Variants in STT3B observed in about 807,000 individuals in gnomAD.
STT3B encodes STT3 oligosaccharyltransferase complex catalytic subunit B, also known as dolichyl-diphosphooligosaccharide--protein glycosyltransferase subunit STT3B.
Under a neutral mutation model 96.8 loss-of-function variants are expected in STT3B, and 29 were observed. The observed-to-expected ratio is 0.30, with a 90% CI of 0.22 to 0.41. STT3B has a LOEUF of 0.41. STT3B is among the 10% of genes least tolerant of loss of function. STT3B has a pLI of 1.00. For missense variants in STT3B, 640 were observed against 1,022.3 expected (o/e 0.63, Z 5.10); for synonymous variants, 367 against 360.0 (o/e 1.02, Z -0.22).
chr3:31,595,433 G>T lies in STT3B; in HGVS notation c.712-1365G>T, dbSNP rs145773707. Among the ~76,000 whole-genome samples the T allele has an allele frequency of 4.4e-3, 666 of 152,114 alleles. 3 individuals are homozygous for T. Among genetic ancestry groups the T allele is most frequent in the African/African-American group, 0.014 (581 of 41,484 alleles). On this transcript the variant is annotated intron_variant, in intron 3 of 15. Coordinates refer to ENST00000295770, the MANE Select transcript of STT3B (RefSeq NM_178862.3). ...GTGTTGTTTTCCCCTTTTCGTTATT[G>T]ATCCCTCTCTCCTTGTTTATAATTC...
chr3:31,558,667 G>A (rs1044957373), intron 1 of STT3B, among the ~76,000 whole-genome samples: 7 of 152,082 alleles, frequency 4.6e-5, no homozygotes, highest in African/African-American at 1.7e-4. Context: ...TGGTATCTGG[G>A]TAATGCCTCA....
rs1335660280 is a variant in STT3B at position 31,599,680 on chromosome 3, G to T, written c.778-680G>T. Among the ~76,000 whole-genome samples, 3 of 152,124 alleles carry T rather than the reference G, an allele frequency of 2.0e-5. No individual in the cohort carries two copies. The East Asian group carries it at 5.8e-4, about 29-fold the overall frequency. ...AGGAGCTTATTACCTATTATTTAGT[G>T]TACCAAAAAATTAATTAATTCTATT... On this transcript the variant is annotated intron_variant, in intron 4 of 15. Transcript: ENST00000295770.
At chr3:31,588,455 C>T (rs1233555769) in intron 3 of STT3B, among the ~76,000 whole-genome samples, 1 of 151,956 alleles carries the variant, frequency 6.6e-6, no homozygotes, top group African/African-American at 2.4e-5. Context: ...TTAAAAAAAT[C>T]CTTTTACAAA....
intron 1 of STT3B, among the ~76,000 whole-genome samples, chr3:31,561,448 T>A (rs76231620): frequency 0.014 from 2,064 of 152,232 alleles, 59 homozygotes; most frequent in African/African-American, 0.046. Flanking sequence ...TTCTTTTTTT[T>A]AAAATATACA....
intron 3 of STT3B, among the ~76,000 whole-genome samples, chr3:31,594,457 G>GTC (rs1441334030): frequency 1.3e-5 from 2 of 150,868 alleles, no homozygotes; most frequent in Non-Finnish European, 3.0e-5. Flanking sequence ...TTTGGATGGA[G>GTC]TCTCGCTCTG....
intron 4 of STT3B, 139 bp downstream of exon 4, chr3:31,597,002 C>T (rs985813717): frequency 1.5e-6 from 1 of 648,310 alleles, no homozygotes; most frequent in Non-Finnish European, 2.6e-6. Flanking sequence ...CCTTCTCCTA[C>T]TCACAGGTCC....
At chr3:31,534,817 T>TAA (rs1340249624) in intron 1 of STT3B, among the ~76,000 whole-genome samples, 1 of 152,226 alleles carries the variant, frequency 6.6e-6, no homozygotes, top group South Asian at 2.1e-4. Flanking sequence ...CTAGTTTTTT[T>TAA]AAAAAATAAC....
At chr3:31,578,774 T>C (rs1698314056) in intron 2 of STT3B, among the ~76,000 whole-genome samples, 1 of 152,122 alleles carries the variant, frequency 6.6e-6, no homozygotes, top group Admixed American at 6.6e-5. Context: ...AATTTCCTGC[T>C]ATTCTGGAGC....
intron 5 of STT3B, among the ~76,000 whole-genome samples, chr3:31,613,937 T>C (rs1278315571): frequency 1.3e-5 from 2 of 152,028 alleles, no homozygotes; most frequent in Non-Finnish European, 2.9e-5. Flanking sequence ...GTGGAAACTT[T>C]ACTTACTTTG....
At chr3:31,551,813 A>T (rs1008702314) in intron 1 of STT3B, among the ~76,000 whole-genome samples, 9 of 152,220 alleles carry the variant, frequency 5.9e-5, no homozygotes, top group Non-Finnish European at 1.3e-4. Context: ...TTGTCTTACC[A>T]GTAGACTTGC....
intron 1 of STT3B, among the ~76,000 whole-genome samples, chr3:31,563,186 A>G (rs1183394224): frequency 6.6e-6 from 1 of 152,030 alleles, no homozygotes. Flanking sequence ...TTTACTCGCT[A>G]TTGTGGTTCC....
intron 1 of STT3B, among the ~76,000 whole-genome samples, chr3:31,551,718 T>A (rs550735561): frequency 3.5e-4 from 53 of 152,306 alleles, no homozygotes; most frequent in South Asian, 2.5e-3. Flanking sequence ...GCCTGTTAAT[T>A]GATAGTCTTT....
At chr3:31,547,195 C>A (rs573230310) in intron 1 of STT3B, among the ~76,000 whole-genome samples, 26 of 152,176 alleles carry the variant, frequency 1.7e-4, no homozygotes, top group Non-Finnish European at 2.8e-4. Flanking sequence ...TCTTATCTGC[C>A]CTCCTTATTC....
intron 1 of STT3B, among the ~76,000 whole-genome samples, chr3:31,546,610 G>A (rs761608238): frequency 2.6e-5 from 4 of 152,216 alleles, no homozygotes; most frequent in Admixed American, 1.3e-4. Flanking sequence ...TACAGGTAGG[G>A]GCAGAATTGT....
intron 5 of STT3B, among the ~76,000 whole-genome samples, chr3:31,602,504 G>A (rs183071486): frequency 2.6e-5 from 4 of 152,146 alleles, no homozygotes; most frequent in Non-Finnish European, 5.9e-5. Context: ...GGAGATGTCA[G>A]AAGTAGTCAA....
intron 3 of STT3B, among the ~76,000 whole-genome samples, chr3:31,585,571 G>T (rs1024403930): frequency 6.8e-6 from 1 of 147,032 alleles, no homozygotes; most frequent in Admixed American, 6.7e-5. Context: ...GTTTTGTTTT[G>T]TTTTTTGTTT....
chr3:31,616,900 T>A lies in STT3B; in HGVS notation c.977-29T>A, dbSNP rs1462555887. 16 of 1,572,716 alleles carry A rather than the reference T, an allele frequency of 1.0e-5. No individual in the cohort carries two copies. The Admixed American group carries it at 2.4e-4, about 24-fold the overall frequency. On this transcript the variant is annotated intron_variant, in intron 6 of 15. Transcript: ENST00000295770. ...TAAATGACCTTGGAAAACTGCTTTGTTGATTATGTGACCCTTTTCTTTAAT... is the reference window on the plus strand; with the variant it reads ...TAAATGACCTTGGAAAACTGCTTTGATGATTATGTGACCCTTTTCTTTAAT...
At chr3:31,571,738 C>T (rs1698141768) in intron 1 of STT3B, among the ~76,000 whole-genome samples, 1 of 151,818 alleles carries the variant, frequency 6.6e-6, no homozygotes, top group Non-Finnish European at 1.5e-5. Context: ...GATTTGGAGC[C>T]ATGTATTAGG....
chr3:31,547,653 C>T (rs942772376), intron 1 of STT3B, among the ~76,000 whole-genome samples: 5 of 152,124 alleles, frequency 3.3e-5, no homozygotes, highest in Admixed American at 2.6e-4. Context: ...CTCAGAAGAA[C>T]GCTGTAGGCA....
Sources: allele counts gnomAD v4.1 joint callset (sites outside exome capture counted in the v4.1 genomes callset), GRCh38; gene constraint gnomAD v4.1.1; transcripts MANE v1.5; gene names NCBI Gene and HGNC (gene_info 2026-07-23, HGNC 2026-07-21).